The following KIFAP3 variants were observed in gnomAD, a reference collection of about 807,000 sequenced individuals.
KIFAP3 encodes the protein kinesin associated protein 3, also known as kinesin-associated protein 3.
A neutral mutation model predicts 106.5 loss-of-function variants in KIFAP3; 68 were observed. The ratio of observed to expected loss-of-function variants is 0.64; its 90% CI spans 0.53 to 0.78. The LOEUF (loss-of-function observed/expected upper bound fraction) is 0.78. Ranked by LOEUF, KIFAP3 falls within the 30% of genes least tolerant of loss-of-function variation. The pLI is 0.00. For missense variants in KIFAP3, 780 were observed against 941.8 expected, an observed-to-expected ratio of 0.83 and a Z score of 2.25; for synonymous variants, 320 against 311.5, an observed-to-expected ratio of 1.03 and a Z score of -0.29.
At chr1:169,951,681 C>CA (rs961585167) in intron 19 of KIFAP3, among the ~76,000 whole-genome samples, 2 of 151,110 alleles carry the variant, frequency 1.3e-5, no homozygotes, top group African/African-American at 4.8e-5. Flanking sequence ...CTGAATTGAG[C>CA]AAAAAAGGAT....
intron 8 of KIFAP3, among the ~76,000 whole-genome samples, chr1:170,031,580 CAAGT>C (rs1669413657): frequency 6.6e-6 from 1 of 151,516 alleles, no homozygotes; most frequent in Admixed American, 6.6e-5. Context: ...CTTTATAAAA[CAAGT>C]AAGTTAGGGC....
intron 12 of KIFAP3, among the ~76,000 whole-genome samples, chr1:169,984,082 C>T (rs1045113437): frequency 1.3e-5 from 2 of 151,652 alleles, no homozygotes; most frequent in African/African-American, 2.4e-5. Context: ...TAAAATCTTA[C>T]CTATGATTAT....
intron 18 of KIFAP3, among the ~76,000 whole-genome samples, chr1:169,956,794 G>A (rs763219653): frequency 3.3e-5 from 5 of 151,982 alleles, no homozygotes; most frequent in South Asian, 2.1e-4. Context: ...TTGTAGAGAC[G>A]GGGTATTTCC....
intron 8 of KIFAP3, among the ~76,000 whole-genome samples, chr1:170,029,980 A>T (rs1389923004): frequency 3.9e-5 from 6 of 151,974 alleles, no homozygotes; most frequent in Admixed American, 3.9e-4. Context: ...AATTAACTCA[A>T]AATATATTAT....
chr1:169,969,504 A>G (rs1429828720), intron 17 of KIFAP3, among the ~76,000 whole-genome samples: 3 of 152,036 alleles, frequency 2.0e-5, no homozygotes, highest in Non-Finnish European at 4.4e-5. Flanking sequence ...GGTAGCACCT[A>G]CTTTTCCAAG....
chr1:169,927,266 C>A (rs1422098316), intron 19 of KIFAP3, among the ~76,000 whole-genome samples: 1 of 152,038 alleles, frequency 6.6e-6, no homozygotes, highest in African/African-American at 2.4e-5. Flanking sequence ...GCTGGGAAGG[C>A]AATAACAAAT....
intron 5 of KIFAP3, among the ~76,000 whole-genome samples, chr1:170,036,859 A>G (rs1669716067): frequency 6.6e-6 from 1 of 152,196 alleles, no homozygotes; most frequent in African/African-American, 2.4e-5. Flanking sequence ...GAAACAGCTA[A>G]AAGAAAATAT....
intron 1 of KIFAP3, among the ~76,000 whole-genome samples, chr1:170,062,919 G>C (rs929439416): frequency 3.3e-5 from 5 of 150,958 alleles, no homozygotes; most frequent in African/African-American, 1.2e-4. Flanking sequence ...TTACCTCTTT[G>C]CAAAAATGGG....
intron 17 of KIFAP3, among the ~76,000 whole-genome samples, chr1:169,961,669 T>C (rs1247568016): frequency 6.6e-6 from 1 of 152,074 alleles, no homozygotes; most frequent in East Asian, 1.9e-4. Context: ...AACCAAGCCC[T>C]CCTCTTCTTT....
intron 19 of KIFAP3, among the ~76,000 whole-genome samples, chr1:169,927,195 A>G (rs1663185214): frequency 6.6e-6 from 1 of 152,172 alleles, no homozygotes; most frequent in Non-Finnish European, 1.5e-5. Flanking sequence ...TAGTAGAAAC[A>G]TTTATTGAGT....
chr1:170,016,398 G>T, intron 10 of KIFAP3, 64 bp downstream of exon 10: 2 of 1,323,638 alleles, frequency 1.5e-6, no homozygotes, highest in Non-Finnish European at 2.1e-6. Flanking sequence ...TCAACACAGA[G>T]CTCAATTTTC....
chr1:169,953,910 C>T, intron 19 of KIFAP3, 101 bp downstream of exon 19: 1 of 787,210 alleles, frequency 1.3e-6, no homozygotes, highest in Non-Finnish European at 2.2e-6. Context: ...GTTTTTTCCC[C>T]CCTCTTAATG....
In KIFAP3 at chr1:170,021,932, CTTTTCTTTCT is replaced by C. The variant is rs1284780271; in HGVS notation, c.1020+2476_1020+2485del. 2.7e-3 allele frequency among the ~76,000 whole-genome samples: 336 copies of C among 126,756 alleles called. 1 individual carries two copies. The highest frequency in any genetic ancestry group is 4.8e-3 in the Non-Finnish European group (286 of 59,352). The allele number at this position is 126,756 out of a possible 152,430, so 83.2% of individuals were successfully genotyped here. ...GCAATGCCTTCAGGTCTATTTCTTT[CTTTTCTTTCT>C]TTTTTTTTTTTTTTTTTTTTTTTTT... On this transcript the variant is annotated intron_variant, in intron 9 of 19. Coordinates refer to ENST00000361580, the MANE Select transcript of KIFAP3 (RefSeq NM_014970.4).
Position 169,925,481 on chromosome 1 carries a change from A to G in KIFAP3, c.2274-3700T>C, listed in dbSNP as rs371975158. Among the ~76,000 whole-genome samples the G allele has an allele frequency of 3.9e-5, 6 of 151,924 alleles. No individual in the cohort carries two copies. In the East Asian group the frequency reaches 1.2e-3, roughly 29 times the overall value. On this transcript the variant is annotated intron_variant, in intron 19 of 19. Transcript: ENST00000361580. ...AAAACCCAACAACAAATAGAAAACC[A>G]TATCTAGAGTGTGTTTTTTTAAATA...
At chr1:170,060,050 A>G (rs779396408) in intron 1 of KIFAP3, among the ~76,000 whole-genome samples, 34 of 152,342 alleles carry the variant, frequency 2.2e-4, no homozygotes, top group South Asian at 4.1e-4. Context: ...ACAAACCCAC[A>G]GCCAATATCA....
intron 1 of KIFAP3, among the ~76,000 whole-genome samples, chr1:170,079,778 T>G (rs539895411): frequency 4.0e-5 from 6 of 148,594 alleles, no homozygotes; most frequent in South Asian, 2.1e-4. Flanking sequence ...GACTTCAGGG[T>G]TTTTTTTTTA....
intron 9 of KIFAP3, 179 bp downstream of exon 9, chr1:170,024,239 G>A (rs375065210): frequency 9.3e-6 from 4 of 431,786 alleles, no homozygotes; most frequent in South Asian, 1.1e-4. Flanking sequence ...CAATCACCTG[G>A]AATATTAACT....
intron 19 of KIFAP3, among the ~76,000 whole-genome samples, chr1:169,950,383 C>T (rs1400108057): frequency 1.3e-5 from 2 of 152,040 alleles, no homozygotes; most frequent in African/African-American, 2.4e-5. Flanking sequence ...ACCTTTTATA[C>T]ATTAATCAAG....
chr1:169,998,391 TATATATATACACACAC>T (rs1361511325), intron 10 of KIFAP3, among the ~76,000 whole-genome samples: 40 of 132,032 alleles, frequency 3.0e-4, no homozygotes, highest in Admixed American at 6.6e-4. Flanking sequence ...GATATATATA[TATATATATACACACAC>T]ACACACACAC....
Sources: allele counts gnomAD v4.1 joint callset (sites outside exome capture counted in the v4.1 genomes callset), GRCh38; gene constraint gnomAD v4.1.1; transcripts MANE v1.5; gene names NCBI Gene and HGNC (gene_info 2026-07-23, HGNC 2026-07-21).